RXFP2: variants seen among roughly 807,000 people sequenced by gnomAD.
RXFP2 encodes relaxin receptor 2.
RXFP2 carries 68 observed loss-of-function variants against 88.6 expected under a neutral mutation model. That is an observed-to-expected ratio of 0.77 (90% CI 0.63 to 0.94). The LOEUF (loss-of-function observed/expected upper bound fraction) is 0.94. RXFP2 is among the 40% of genes least tolerant of loss of function. The probability of loss-of-function intolerance (pLI) is 0.00; values close to 1 mark genes in which losing one functional copy is unlikely to be tolerated. For synonymous variants in RXFP2, 329 were observed against 306.8 expected (o/e 1.07, Z -0.76); for missense variants, 791 against 893.9 (o/e 0.88, Z 1.47).
chr13:31,781,040 G>A (rs529632126), intron 9 of RXFP2, among the ~76,000 whole-genome samples: 25 of 152,288 alleles, frequency 1.6e-4, no homozygotes, highest in African/African-American at 5.3e-4. Flanking sequence ...CACACAGATC[G>A]GGATTCACAT....
chr13:31,791,265 T>C (rs1212341662), intron 14 of RXFP2, among the ~76,000 whole-genome samples: 4 of 152,186 alleles, frequency 2.6e-5, no homozygotes, highest in Non-Finnish European at 5.9e-5. Flanking sequence ...AGGCAGCTGC[T>C]TCTCTTCCCA....
chr13:31,776,132 TTCTTTCTTTC>T (rs1414023553), intron 7 of RXFP2, among the ~76,000 whole-genome samples: 20 of 150,166 alleles, frequency 1.3e-4, no homozygotes, highest in African/African-American at 4.7e-4. Flanking sequence ...CTTTCTTTCT[TTCTTTCTTTC>T]TCTTTCTCTC....
intron 7 of RXFP2, among the ~76,000 whole-genome samples, chr13:31,776,102 T>TTTTCTTTCTTTC (rs71099993): frequency 0.042 from 4,560 of 109,810 alleles, 139 homozygotes; most frequent in African/African-American, 0.055. Flanking sequence ...CTTTCTTTTC[T>TTTTCTTTCTTTC]TTTCTTTCTT....
intron 5 of RXFP2, among the ~76,000 whole-genome samples, chr13:31,771,601 G>A (rs1406194131): frequency 3.9e-5 from 6 of 151,972 alleles, no homozygotes; most frequent in Admixed American, 2.0e-4. Context: ...GACCAGCCTG[G>A]CCAACATCGT....
chr13:31,773,899 T>G (rs7328079), intron 5 of RXFP2, among the ~76,000 whole-genome samples: 9,204 of 152,280 alleles, frequency 0.06, 778 homozygotes, highest in African/African-American at 0.19. Context: ...TATAGTTATT[T>G]CCTGCCCCTG....
chr13:31,776,184 CTCTT>C (rs374652330), intron 7 of RXFP2, among the ~76,000 whole-genome samples: 17 of 141,866 alleles, frequency 1.2e-4, no homozygotes, highest in East Asian at 4.1e-4. Context: ...TTCTCTTTCT[CTCTT>C]TCTTTCTTTT....
At chr13:31,746,823 T>C (rs1050505631) in intron 1 of RXFP2, among the ~76,000 whole-genome samples, 4 of 151,992 alleles carry the variant, frequency 2.6e-5, no homozygotes, top group Non-Finnish European at 5.9e-5. Context: ...TGTAAACCCA[T>C]GGTATATAAG....
chr13:31,745,495 G>T (rs898351089), intron 1 of RXFP2, among the ~76,000 whole-genome samples: 5 of 152,278 alleles, frequency 3.3e-5, no homozygotes, highest in Admixed American at 3.3e-4. Context: ...TTTGTCAGGG[G>T]CTGAGTCCCA....
intron 11 of RXFP2, among the ~76,000 whole-genome samples, chr13:31,784,696 G>T (rs896492905): frequency 6.6e-6 from 1 of 152,034 alleles, no homozygotes; most frequent in Admixed American, 6.6e-5. Flanking sequence ...CACCTCAAAA[G>T]CAACCCATTT....
intron 1 of RXFP2, among the ~76,000 whole-genome samples, chr13:31,744,578 G>A (rs1016985315): frequency 1.3e-5 from 2 of 152,096 alleles, no homozygotes; most frequent in Non-Finnish European, 2.9e-5. Flanking sequence ...TATTATTCTC[G>A]AGTGGCATAA....
intron 7 of RXFP2, among the ~76,000 whole-genome samples, chr13:31,776,107 TTTC>T (rs1566227879): frequency 1.2e-3 from 166 of 135,550 alleles, no homozygotes; most frequent in Admixed American, 4.6e-3. Flanking sequence ...TTTTCTTTTC[TTTC>T]TTTCTTTCTT....
intron 3 of RXFP2, among the ~76,000 whole-genome samples, chr13:31,764,310 C>T (rs1172960692): frequency 3.3e-5 from 5 of 150,780 alleles, no homozygotes; most frequent in Admixed American, 6.6e-5. Context: ...TATGGACCAG[C>T]TTGGCCTGGC....
At position 31,792,724 on chromosome 13, in the gene RXFP2, C is replaced by T. The variant is rs1873852876; in HGVS notation, c.1422C>T (p.Phe474=). The change falls in exon 16 of 18, where the codon TTC becomes TTT. Residue 474 remains phenylalanine, a synonymous_variant. Coordinates refer to ENST00000298386, the MANE Select transcript of RXFP2 (RefSeq NM_130806.5). The part of the protein sequence containing the change: ...MGVYLFFVGI[F]DIKYRGQYQK... ...TTTACTTGTTCTTTGTTGGCATTTTCGATATAAAATACCGAGGGCAGTATC... is the reference window on the plus strand; with the variant it reads ...TTTACTTGTTCTTTGTTGGCATTTTTGATATAAAATACCGAGGGCAGTATC... 9.9e-6 allele frequency: 16 copies of T among 1,614,080 alleles called. No homozygotes were observed. Among genetic ancestry groups the T allele is most frequent in the African/African-American group, 2.7e-5 (2 of 75,014 alleles).
chr13:31,758,159 A>G (rs989471754), intron 1 of RXFP2, 99 bp from the exon 2 acceptor site: 1 of 1,170,340 alleles, frequency 8.5e-7, no homozygotes, highest in Non-Finnish European at 1.3e-6. Flanking sequence ...ATAATACCAG[A>G]TGAACTCAAC....
rs961280054 is a variant in RXFP2 at position 31,792,894 on chromosome 13, T to G, written c.1592T>G (p.Ile531Ser). The G allele has an allele frequency of 6.2e-7, 1 of 1,614,192 alleles. No homozygotes were observed. Among genetic ancestry groups the G allele is most frequent in the South Asian group, 1.1e-5 (1 of 91,086 alleles). Residue 531 changes from isoleucine to serine, a missense_variant, in exon 16 of 18, where the codon ATT becomes AGT. By Grantham distance (142) the Ile-to-Ser change is moderately radical (BLOSUM62 -2). Transcript: ENST00000298386. ...FLVIVFPFSN[I>S]RPGKRQTSVI... Reference sequence around the variant, plus strand: ...GTCATTGTCTTCCCCTTCAGTAACATTCGACCTGGAAAACGGCAGACCTCA... The same window carrying G: ...GTCATTGTCTTCCCCTTCAGTAACAGTCGACCTGGAAAACGGCAGACCTCA...
chr13:31,801,490 T>C (rs546341841), intron 17 of RXFP2, among the ~76,000 whole-genome samples: 1 of 152,186 alleles, frequency 6.6e-6, no homozygotes, highest in Non-Finnish European at 1.5e-5. Flanking sequence ...AAGATGCATT[T>C]TGTGCTAACC....
chr13:31,747,998 T>C (rs1871498416), intron 1 of RXFP2, among the ~76,000 whole-genome samples: 1 of 152,196 alleles, frequency 6.6e-6, no homozygotes, highest in South Asian at 2.1e-4. Flanking sequence ...ACAAGATAAT[T>C]GTAAAAAGTG....
rs770680585 is a variant in RXFP2 at position 31,789,298 on chromosome 13, G to T, written c.1145+105G>T. ...TGCAATGTGTTTCTATGCAACAAAA[G>T]TCATTTTATTGAGAACTTTTTAATT... is the stretch of plus-strand genomic sequence containing the variant. On this transcript the variant is annotated intron_variant, in intron 14 of 17. Coordinates refer to ENST00000298386, the MANE Select transcript of RXFP2 (RefSeq NM_130806.5). 3 of 796,706 alleles carry T rather than the reference G, an allele frequency of 3.8e-6. No homozygotes were observed. In the Admixed American group the frequency reaches 5.6e-5, roughly 15 times the overall value. The allele number at this position is 796,706 out of a possible 1,614,324, so 49.4% of individuals were successfully genotyped here. A position where few individuals can be genotyped will look rare whatever the true frequency, so the allele number is the denominator to read the frequency against.
At chr13:31,791,691 TAAAC>T (rs1873796991) in intron 14 of RXFP2, 111 bp from the exon 15 acceptor site, 2 of 754,712 alleles carry the variant, frequency 2.7e-6, no homozygotes, top group Middle Eastern at 2.3e-4. Flanking sequence ...TAAACAAAAA[TAAAC>T]AAACCTAGTG....
Sources: gnomAD v4.1 joint callset for allele counts (sites outside exome capture counted in the v4.1 genomes callset) on GRCh38, gnomAD v4.1.1 for gene constraint, MANE v1.5 for transcripts, NCBI Gene and HGNC (gene_info 2026-07-23, HGNC 2026-07-21) for gene names.